Variants in MAPRE2 observed in about 807,000 individuals in gnomAD.
The protein encoded by MAPRE2 is microtubule associated protein RP/EB family member 2.
A neutral mutation model predicts 43.2 loss-of-function variants in MAPRE2; 13 were observed. That is an observed-to-expected ratio of 0.30 (90% CI 0.20 to 0.48). The LOEUF (loss-of-function observed/expected upper bound fraction) is 0.48. Ranked by LOEUF, MAPRE2 falls within the 20% of genes least tolerant of loss-of-function variation. The probability of loss-of-function intolerance (pLI) is 0.99; values close to 1 mark genes in which losing one functional copy is unlikely to be tolerated. For missense variants in MAPRE2, 161 were observed against 400.2 expected (o/e 0.40, Z 5.10); for synonymous variants, 135 against 148.8 (o/e 0.91, Z 0.68).
intron 5 of MAPRE2, chr18:35,127,385 T>G: frequency 6.7e-6 from 2 of 296,888 alleles, no homozygotes; most frequent in South Asian, 9.8e-5. Flanking sequence ...AGCTCCAGGC[T>G]AGACCGTTGC....
At chr18:35,131,238 G>A (rs1004868384) in intron 5 of MAPRE2, among the ~76,000 whole-genome samples, 57 of 152,130 alleles carry the variant, frequency 3.7e-4, no homozygotes, top group African/African-American at 1.3e-3. Context: ...TCTAAGGGAC[G>A]GAGAGTCCTC....
intron 2 of MAPRE2, among the ~76,000 whole-genome samples, chr18:35,017,527 T>C (rs1198196760): frequency 6.6e-6 from 1 of 151,158 alleles, no homozygotes; most frequent in Admixed American, 6.6e-5. Flanking sequence ...CAACTTCTTG[T>C]TTAGATGTAT....
intron 2 of MAPRE2, among the ~76,000 whole-genome samples, chr18:35,085,042 T>A (rs1907805290): frequency 6.6e-6 from 1 of 152,206 alleles, no homozygotes; most frequent in Admixed American, 6.5e-5. Context: ...CTACTACTAA[T>A]TTAATCAGAT....
rs1221055104 is a variant in MAPRE2, at chr18:35,141,855, C to A, written c.*1486C>A. 1 of 152,120 alleles carries A rather than the reference C, an allele frequency of 6.6e-6. No individual in the cohort carries two copies. The highest frequency in any genetic ancestry group is 2.4e-5 in the African/African-American group (1 of 41,412). The allele number at this position is 152,120 out of a possible 1,614,324, so 9.4% of individuals were successfully genotyped here. A position where few individuals can be genotyped will look rare whatever the true frequency, so the allele number is the denominator to read the frequency against. On this transcript the variant is annotated 3_prime_UTR_variant, in exon 7 of 7. Coordinates refer to ENST00000300249, the MANE Select transcript of MAPRE2 (RefSeq NM_014268.4). ...TAAAATAAATTTCTGAATTATGTATCCTGAAGCTTTGAAATTTCTTTATTA... is the reference window on the plus strand; with the variant it reads ...TAAAATAAATTTCTGAATTATGTATACTGAAGCTTTGAAATTTCTTTATTA...
At chr18:34,985,154 AAT>A (rs1163232100) in intron 1 of MAPRE2, among the ~76,000 whole-genome samples, 1 of 80,708 alleles carries the variant, frequency 1.2e-5, no homozygotes, top group Non-Finnish European at 2.1e-5. Flanking sequence ...TATATTTTAT[AAT>A]ATATAAATAT....
intron 4 of MAPRE2, among the ~76,000 whole-genome samples, chr18:35,102,575 C>T (rs933313722): frequency 6.6e-6 from 1 of 152,094 alleles, no homozygotes. Flanking sequence ...CGTCTCTAAC[C>T]CTTCAAAGGA....
At chr18:35,032,649 C>A (rs1335202823) in intron 2 of MAPRE2, among the ~76,000 whole-genome samples, 3 of 152,078 alleles carry the variant, frequency 2.0e-5, no homozygotes, top group Non-Finnish European at 4.4e-5. Context: ...CTCAATTGCA[C>A]CTGTGTGCTG....
chr18:34,984,977 AAAATATATT>A (rs1568961034), intron 1 of MAPRE2, among the ~76,000 whole-genome samples: 3 of 31,224 alleles, frequency 9.6e-5, no homozygotes, highest in Non-Finnish European at 1.2e-4. Flanking sequence ...TATAATATAT[AAAATATATT>A]ATATATAAAA....
intron 1 of MAPRE2, among the ~76,000 whole-genome samples, chr18:34,990,680 G>T (rs2097023308): frequency 6.6e-6 from 1 of 151,984 alleles, no homozygotes; most frequent in South Asian, 2.1e-4. Context: ...TAAAATTTTA[G>T]ACAGTCAAAA....
chr18:35,032,462 C>A (rs546561737), intron 2 of MAPRE2, among the ~76,000 whole-genome samples: 2 of 152,104 alleles, frequency 1.3e-5, no homozygotes, highest in Non-Finnish European at 2.9e-5. Flanking sequence ...AAGTCCAAGG[C>A]AATGCAAAAA....
intron 1 of MAPRE2, among the ~76,000 whole-genome samples, chr18:35,047,251 A>C (rs138571523): frequency 2.6e-5 from 4 of 152,300 alleles, no homozygotes; most frequent in African/African-American, 9.6e-5. Flanking sequence ...ATTAAGTTAG[A>C]ATATATATCT....
At position 34,979,546 on chromosome 18, in the gene MAPRE2, A is replaced by G. The variant is rs140667916; in HGVS notation, c.-70+2467A>G. ...TAGAAGGGGAAACACAAAGCTAACT[A>G]GACATCCTGTAACTTTCTTGGTGGG... On this transcript the variant is annotated intron_variant, in intron 1 of 7. Transcript: ENST00000413393. Among the ~76,000 whole-genome samples, 73 of 151,784 alleles carry G rather than the reference A, an allele frequency of 4.8e-4. 1 individual carries two copies. The highest frequency in any genetic ancestry group is 6.8e-3 in the Middle Eastern group (2 of 294).
chr18:35,105,814 T>G (rs1908878569), intron 4 of MAPRE2, among the ~76,000 whole-genome samples: 1 of 152,094 alleles, frequency 6.6e-6, no homozygotes, highest in South Asian at 2.1e-4. Flanking sequence ...TCCTGGGATC[T>G]TTATTACAAA....
At chr18:35,124,565 T>C (rs1037378300) in intron 4 of MAPRE2, among the ~76,000 whole-genome samples, 1 of 152,196 alleles carries the variant, frequency 6.6e-6, no homozygotes, top group African/African-American at 2.4e-5. Flanking sequence ...GAACAAAGAC[T>C]GCATCTTAGG....
In MAPRE2 at chr18:35,063,428, A is replaced by G. The variant is rs147217408; in HGVS notation, c.123-6767A>G. On this transcript the variant is annotated intron_variant, in intron 1 of 6. Transcript: ENST00000300249. The stretch of plus-strand genomic sequence containing the variant: ...GGCCTCAGAACATTTTATGTTGAAC[A>G]TGAAGTTTCCAGTTGAATGTGGACT... Among the ~76,000 whole-genome samples the G allele has an allele frequency of 3.6e-3, 547 of 152,016 alleles. 4 individuals are homozygous for G. The highest frequency in any genetic ancestry group is 0.012 in the African/African-American group (513 of 41,474).
intron 1 of MAPRE2, among the ~76,000 whole-genome samples, chr18:35,044,175 G>A (rs969024382): frequency 1.1e-4 from 17 of 152,148 alleles, no homozygotes; most frequent in African/African-American, 4.1e-4. Flanking sequence ...TTCTTTCCCT[G>A]GATCCTTTAT....
At chr18:35,139,550 A>T (rs1428155191) in intron 6 of MAPRE2, among the ~76,000 whole-genome samples, 1 of 152,190 alleles carries the variant, frequency 6.6e-6, no homozygotes, top group African/African-American at 2.4e-5. Flanking sequence ...CACCTATCTG[A>T]TTCTCAGTTG....
intron 2 of MAPRE2, among the ~76,000 whole-genome samples, chr18:35,079,523 A>G (rs1033671091): frequency 3.3e-5 from 5 of 152,186 alleles, no homozygotes; most frequent in Admixed American, 6.5e-5. Flanking sequence ...CTATCCCTTC[A>G]TTCCCATGTC....
At chr18:35,005,432 C>G in intron 1 of MAPRE2, 1 of 1,060,854 alleles carries the variant, frequency 9.4e-7, no homozygotes, top group African/African-American at 1.6e-5. Context: ...CTCTTTGCTT[C>G]CATATTTTCA....
Sources: gnomAD v4.1 joint callset for allele counts (sites outside exome capture counted in the v4.1 genomes callset) on GRCh38, gnomAD v4.1.1 for gene constraint, MANE v1.5 for transcripts, NCBI Gene and HGNC (gene_info 2026-07-23, HGNC 2026-07-21) for gene names.